The following ZMYND15 variants were observed in gnomAD, a reference collection of about 807,000 sequenced individuals.
ZMYND15 encodes the protein zinc finger MYND-type containing 15.
Under a neutral mutation model 81.7 loss-of-function variants are expected in ZMYND15, and 54 were observed. The observed-to-expected ratio is 0.66, with a 90% CI of 0.53 to 0.83. The LOEUF (loss-of-function observed/expected upper bound fraction) is 0.83. Ranked by LOEUF, ZMYND15 falls within the 40% of genes least tolerant of loss-of-function variation. The pLI, the probability that ZMYND15 is intolerant of heterozygous loss-of-function variation, is 0.00. For synonymous variants in ZMYND15, 399 were observed against 387.0 expected (o/e 1.03, Z -0.36); for missense variants, 925 against 973.5 (o/e 0.95, Z 0.66).
Position 4,744,428 on chromosome 17 carries a change from G to A in ZMYND15, c.1644G>A (p.Leu548=). ...AGCTGCAGTTTGTAGGTGATGGCCT[G>A]CCCCCCGAAAGCGACGAGCAGCATT... ...ALELQFVGDG[L]PPESDEQHFT... The change falls in exon 10 of 14, where the codon CTG becomes CTA. Residue 548 remains leucine (L), a synonymous_variant. Transcript: ENST00000433935. This position sits in a 1 kb window ranked among gnomAD's most constrained non-coding sequence, Gnocchi z 4.1. The A allele has an allele frequency of 6.2e-7, 1 of 1,614,082 alleles. No homozygotes were observed. The highest frequency in any genetic ancestry group is 8.5e-7 in the Non-Finnish European group (1 of 1,179,992).
chr17:4,742,258 T>C, intron 4 of ZMYND15, 73 bp from the exon 5 acceptor site: 1 of 1,583,020 alleles, frequency 6.3e-7, no homozygotes, highest in African/African-American at 1.3e-5. Context: ...TATGGGCAGC[T>C]GCTGGGCAGT....
Position 4,744,108 on chromosome 17 carries a change from G to GT in ZMYND15, c.1495+2dup. On this transcript the variant is annotated splice_donor_variant, in intron 8 of 13. Coordinates refer to ENST00000433935, the MANE Select transcript of ZMYND15 (RefSeq NM_001136046.3). LOFTEE classifies it high-confidence loss of function. This position sits in a 1 kb window ranked among gnomAD's most constrained non-coding sequence, Gnocchi z 4.1. ...ATCACCCACCTGGTGCCCCAGTCCTGTAAGGAGAGCGGAGTGGGGGGTGGA... is the reference window on the plus strand; with the variant it reads ...ATCACCCACCTGGTGCCCCAGTCCTGTTAAGGAGAGCGGAGTGGGGGGTGGA... 4 of 1,601,830 alleles carry GT rather than the reference G, an allele frequency of 2.5e-6. No individual in the cohort carries two copies. The highest frequency in any genetic ancestry group is 3.4e-6 in the Non-Finnish European group (4 of 1,173,992).
chr17:4,745,792 C>G lies in ZMYND15; in HGVS notation c.2058-27C>G. Reference sequence around the variant, plus strand: ...ACCCCTGGGAGTCCCGCCCCGTGGTCCCTGACTGCGCCCCGCGCCCCCGCA... The same window carrying G: ...ACCCCTGGGAGTCCCGCCCCGTGGTGCCTGACTGCGCCCCGCGCCCCCGCA... On this transcript the variant is annotated intron_variant, in intron 13 of 13. Transcript: ENST00000433935. This position sits in a 1 kb window ranked among gnomAD's most constrained non-coding sequence, Gnocchi z 5.2. 1.3e-6 allele frequency: 2 copies of G among 1,513,934 alleles called. No homozygotes were observed. The highest frequency in any genetic ancestry group is 1.8e-6 in the Non-Finnish European group (2 of 1,125,106). 93.8% of individuals were successfully genotyped at this position (1,513,934 alleles called of 1,614,324 possible).
Position 4,743,993 on chromosome 17 carries a change from T to G in ZMYND15, c.1381T>G (p.Ser461Ala), listed in dbSNP as rs766047636. ...PPHPPRGVFG[S>A]WQDYYTWRGL... ...CTCTAGCAACCCTCTCCTGCCAGGC[T>G]CATGGCAGGATTACTACACATGGCG... The change falls in exon 8 of 14, where the codon TCA becomes GCA. Residue 461 changes from serine (S) to alanine (A), a missense_variant and splice_region_variant. Transcript: ENST00000433935. The surrounding 1 kb of genome is among the most constrained non-coding windows in gnomAD (Gnocchi z 4.3). 7.7e-6 allele frequency: 12 copies of G among 1,553,352 alleles called. No individual in the cohort carries two copies. The highest frequency in any genetic ancestry group is 1.0e-5 in the Non-Finnish European group (12 of 1,147,512).
At position 4,741,690 on chromosome 17, in the gene ZMYND15, G is replaced by A. The variant is rs759816591; in HGVS notation, c.701G>A (p.Gly234Asp). Residue 234 changes from glycine to aspartate, a missense_variant, in exon 3 of 14, where the codon GGC (glycine) becomes GAC (aspartate). By Grantham distance (94) the Gly-to-Asp change is moderately conservative. Transcript: ENST00000433935. ...VDGAQGTASW[G>D]SGTKDLAPWA... ...GGAGCCCAGGGAACCGCAAGCTGGG[G>A]CTCAGGGACCAAGGACCTGGCTCCT... 5 of 1,614,100 alleles carry A rather than the reference G, an allele frequency of 3.1e-6. No individual in the cohort carries two copies. Among genetic ancestry groups the A allele is most frequent in the African/African-American group, 1.3e-5 (1 of 75,046 alleles).
At chr17:4,741,172 C>G in intron 2 of ZMYND15, 32 bp downstream of exon 2, 2 of 1,404,756 alleles carry the variant, frequency 1.4e-6, no homozygotes, top group Non-Finnish European at 1.9e-6. Flanking sequence ...TGCCCTACCC[C>G]TTGCCCAGCC....
Position 4,744,533 on chromosome 17 carries a change from C to A in ZMYND15, c.1683+66C>A. 2 of 1,604,208 alleles carry A rather than the reference C, an allele frequency of 1.2e-6. No individual in the cohort carries two copies. Among genetic ancestry groups the A allele is most frequent in the Non-Finnish European group, 1.7e-6 (2 of 1,173,698 alleles). On this transcript the variant is annotated intron_variant, in intron 10 of 13. Transcript: ENST00000433935. The surrounding 1 kb of genome is among the most constrained non-coding windows in gnomAD (Gnocchi z 4.1). ...CCAGTGACCTCCTGGTTGGGTCCTG[C>A]CCTTCTGCCCCCCACTCCCCATCTT...
rs760569525 is a variant in ZMYND15 at position 4,743,822 on chromosome 17, C to T, written c.1353C>T (p.Pro451=). ...GDGTALMPPV[P]PHPPRGVFGS... ...GGACTGCCCTGATGCCTCCTGTGCCCCCACATCCACCCCGGGGTGTTTTTG... is the reference window on the plus strand; with the variant it reads ...GGACTGCCCTGATGCCTCCTGTGCCTCCACATCCACCCCGGGGTGTTTTTG... The change falls in exon 7 of 14, where the codon CCC becomes CCT. Residue 451 remains proline, a synonymous_variant. Transcript: ENST00000433935. This position sits in a 1 kb window ranked among gnomAD's most constrained non-coding sequence, Gnocchi z 4.3. 6.2e-7 allele frequency: 1 copy of T among 1,614,024 alleles called. No individual in the cohort carries two copies. The highest frequency in any genetic ancestry group is 1.1e-5 in the South Asian group (1 of 91,064).
At position 4,740,798 on chromosome 17, in the gene ZMYND15, G is replaced by C; in HGVS notation, c.250G>C (p.Gly84Arg). Reference protein sequence around the residue: ...GAEPGPGPGLGTAWLLGDNPP... With the variant: ...GAEPGPGPGLRTAWLLGDNPP... ...AGAACCAGGTCCTGGACCAGGCCTG[G>C]GGACTGCCTGGCTCCTGGGAGACAA... is the stretch of plus-strand genomic sequence containing the variant. The change falls in exon 2 of 14, where the codon GGG (glycine) becomes CGG (arginine). Residue 84 changes from glycine (G) to arginine (R), a missense_variant. Physicochemically the swap from Gly to Arg is moderately radical, Grantham distance 125. Transcript: ENST00000433935. 1 of 1,590,254 alleles carries C rather than the reference G, an allele frequency of 6.3e-7. No individual in the cohort carries two copies. Among genetic ancestry groups the C allele is most frequent in the Non-Finnish European group, 8.6e-7 (1 of 1,164,462 alleles).
Position 4,745,231 on chromosome 17 carries a change from C to A in ZMYND15, c.1913C>A (p.Ala638Asp). Residue 638 changes from alanine to aspartate, a missense_variant, in exon 13 of 14, where the codon GCC (alanine) becomes GAC (aspartate). By Grantham distance (126) the Ala-to-Asp change is moderately radical. Transcript: ENST00000433935. This position sits in a 1 kb window ranked among gnomAD's most constrained non-coding sequence, Gnocchi z 5.2. ...LPRLQSLRVP[A>D]FFTESSEYSC... ...CCACCCCAGTCCCTCCGAGTGCCAG[C>A]CTTCTTCACCGAGAGCAGCGAGTAC... is the stretch of plus-strand genomic sequence containing the variant. 1.2e-6 allele frequency: 2 copies of A among 1,614,084 alleles called. No homozygotes were observed. The highest frequency in any genetic ancestry group is 2.2e-5 in the East Asian group (1 of 44,858).
intron 2 of ZMYND15, 144 bp from the exon 3 acceptor site, chr17:4,741,438 G>A: frequency 5.6e-6 from 5 of 900,204 alleles, no homozygotes; most frequent in South Asian, 3.2e-5. Flanking sequence ...CCCTTTAGAA[G>A]GAGCGTGCCC....
rs777302375 is a variant in ZMYND15, at chr17:4,743,460, G to T, written c.1297+5G>T. The T allele has an allele frequency of 6.2e-7, 1 of 1,613,732 alleles. No homozygotes were observed. Among genetic ancestry groups the T allele is most frequent in the East Asian group, 2.2e-5 (1 of 44,862 alleles). On this transcript the variant is annotated splice_donor_5th_base_variant and intron_variant, in intron 6 of 13. Coordinates refer to ENST00000433935, the MANE Select transcript of ZMYND15 (RefSeq NM_001136046.3). The surrounding 1 kb of genome is among the most constrained non-coding windows in gnomAD (Gnocchi z 4.3). ...CCCTCAGCCTTCTTCGCGGTGGTGCGTGGGGTCTCTCCAGGCATGGGCCCC... is the reference window on the plus strand; with the variant it reads ...CCCTCAGCCTTCTTCGCGGTGGTGCTTGGGGTCTCTCCAGGCATGGGCCCC...
At position 4,743,112 on chromosome 17, in the gene ZMYND15, C is replaced by T. The variant is rs760269491; in HGVS notation, c.1145-191C>T. Among the ~76,000 whole-genome samples, 1 of 151,924 alleles carries T rather than the reference C, an allele frequency of 6.6e-6. No individual in the cohort carries two copies. Among genetic ancestry groups the T allele is most frequent in the African/African-American group, 2.4e-5 (1 of 41,338 alleles). The stretch of plus-strand genomic sequence containing the variant: ...AAAAATTAGTCAGGCATGGTGCACT[C>T]GCTTGTGGTCACAATTCTCGGGAGA... On this transcript the variant is annotated intron_variant, in intron 5 of 13. Transcript: ENST00000433935. This position sits in a 1 kb window ranked among gnomAD's most constrained non-coding sequence, Gnocchi z 4.3.
chr17:4,740,824 C>A lies in ZMYND15; in HGVS notation c.276C>A (p.Asn92Lys), dbSNP rs762840957. Reference protein sequence around the residue: ...GLGTAWLLGDNPPLHLRDLSP... With the variant: ...GLGTAWLLGDKPPLHLRDLSP... ...GGACTGCCTGGCTCCTGGGAGACAA[C>A]CCTCCACTCCACCTGCGAGACCTGA... Residue 92 changes from asparagine (N) to lysine (K), a missense_variant, in exon 2 of 14, where the codon AAC becomes AAA. By Grantham distance (94) the Asn-to-Lys change is moderately conservative. Coordinates refer to ENST00000433935, the MANE Select transcript of ZMYND15 (RefSeq NM_001136046.3). The A allele has an allele frequency of 1.3e-6, 2 of 1,583,142 alleles. No homozygotes were observed. The highest frequency in any genetic ancestry group is 4.5e-5 in the East Asian group (2 of 44,404).
chr17:4,746,010 C>A lies in ZMYND15; in HGVS notation c.*20C>A, dbSNP rs1916655232. 1.4e-6 allele frequency: 2 copies of A among 1,410,680 alleles called. No individual in the cohort carries two copies. Among genetic ancestry groups the A allele is most frequent in the Non-Finnish European group, 1.8e-6 (2 of 1,083,004 alleles). 87.4% of individuals were successfully genotyped at this position (1,410,680 alleles called of 1,614,324 possible). A position where few individuals can be genotyped will look rare whatever the true frequency, so the allele number is the denominator to read the frequency against. Reference sequence around the variant, plus strand: ...AAATGAATGCTGATACCCTAGTAGTCCCCAGCTCCCAAACACTGAAAGGAA... The same window carrying A: ...AAATGAATGCTGATACCCTAGTAGTACCCAGCTCCCAAACACTGAAAGGAA... On this transcript the variant is annotated 3_prime_UTR_variant, in exon 14 of 14. Coordinates refer to ENST00000433935, the MANE Select transcript of ZMYND15 (RefSeq NM_001136046.3).
In ZMYND15 at chr17:4,744,409, AGTTTGTAGGT is replaced by A. The variant is rs752776442; in HGVS notation, c.1627_1636del (p.Phe543MetfsTer80). The stretch of plus-strand genomic sequence containing the variant: ...CTCCCCCATGTGGCCCTGGAGCTGC[AGTTTGTAGGT>A]GATGGCCTGCCCCCCGAAAGCGACG... On this transcript the variant is annotated frameshift_variant, in exon 10 of 14. Coordinates refer to ENST00000433935, the MANE Select transcript of ZMYND15 (RefSeq NM_001136046.3). LOFTEE classifies it high-confidence loss of function. This position sits in a 1 kb window ranked among gnomAD's most constrained non-coding sequence, Gnocchi z 4.1. The A allele has an allele frequency of 2.5e-6, 4 of 1,613,978 alleles. No homozygotes were observed. In the East Asian group the frequency reaches 8.9e-5, roughly 36 times the overall value.
In ZMYND15 at chr17:4,745,715, GC is replaced by G; in HGVS notation, c.2058-99del. 2 of 321,440 alleles carry G rather than the reference GC, an allele frequency of 6.2e-6. No homozygotes were observed. Among genetic ancestry groups the G allele is most frequent in the Non-Finnish European group, 4.7e-6 (1 of 212,624 alleles). The allele number at this position is 321,440 out of a possible 1,614,324, so 19.9% of individuals were successfully genotyped here. A position where few individuals can be genotyped will look rare whatever the true frequency, so the allele number is the denominator to read the frequency against. Reference sequence around the variant, plus strand: ...GTCCCTGACCGCCCGGTGGAGCCCCGCCCCCTGGTCCCTGACCGCGCCCCTG... The same window carrying G: ...GTCCCTGACCGCCCGGTGGAGCCCCGCCCCTGGTCCCTGACCGCGCCCCTG... On this transcript the variant is annotated intron_variant, in intron 13 of 13. Coordinates refer to ENST00000433935, the MANE Select transcript of ZMYND15 (RefSeq NM_001136046.3). The surrounding 1 kb of genome is among the most constrained non-coding windows in gnomAD (Gnocchi z 5.2).
At position 4,743,206 on chromosome 17, in the gene ZMYND15, T is replaced by C. The variant is rs1392921100; in HGVS notation, c.1145-97T>C. 1 of 1,359,140 alleles carries C rather than the reference T, an allele frequency of 7.4e-7. No individual in the cohort carries two copies. The allele number at this position is 1,359,140 out of a possible 1,614,324, so 84.2% of individuals were successfully genotyped here. A position where few individuals can be genotyped will look rare whatever the true frequency, so the allele number is the denominator to read the frequency against. On this transcript the variant is annotated intron_variant, in intron 5 of 13. Coordinates refer to ENST00000433935, the MANE Select transcript of ZMYND15 (RefSeq NM_001136046.3). The surrounding 1 kb of genome is among the most constrained non-coding windows in gnomAD (Gnocchi z 4.3). ...GTGTCCCGTGATCACGCCACTGCAC[T>C]CTAGCTTGGGTGATAGAGCAAGACT... is the stretch of plus-strand genomic sequence containing the variant.
In ZMYND15 at chr17:4,745,760, A is replaced by G; in HGVS notation, c.2058-59A>G. 2 of 1,280,358 alleles carry G rather than the reference A, an allele frequency of 1.6e-6. No individual in the cohort carries two copies. The highest frequency in any genetic ancestry group is 2.6e-5 in the Admixed American group (1 of 39,066). 79.3% of individuals were successfully genotyped at this position (1,280,358 alleles called of 1,614,324 possible). ...GCCCCTGGGAGCCCCGACCCCTGGG[A>G]GCGCCGACCCCTGGGAGTCCCGCCC... On this transcript the variant is annotated intron_variant, in intron 13 of 13. Transcript: ENST00000433935. The surrounding 1 kb of genome is among the most constrained non-coding windows in gnomAD (Gnocchi z 5.2).
Sources: allele counts gnomAD v4.1 joint callset (sites outside exome capture counted in the v4.1 genomes callset), GRCh38; gene constraint gnomAD v4.1.1; non-coding constraint Gnocchi (gnomAD v3.1); transcripts MANE v1.5; gene names NCBI Gene and HGNC (gene_info 2026-07-23, HGNC 2026-07-21).